Variants in GRB2 observed in about 807,000 individuals in gnomAD.
The protein encoded by GRB2 is growth factor receptor-bound protein 2.
A neutral mutation model predicts 27.4 loss-of-function variants in GRB2; 2 were observed. That is an observed-to-expected ratio of 0.07 (90% confidence interval 0.03 to 0.23). The LOEUF (loss-of-function observed/expected upper bound fraction) is 0.23. Ranked by LOEUF, GRB2 falls within the 10% of genes least tolerant of loss-of-function variation. The pLI, the probability that GRB2 is intolerant of heterozygous loss-of-function variation, is 1.00. For missense variants in GRB2, 102 were observed against 282.4 expected (o/e 0.36, Z 4.58); for synonymous variants, 94 against 99.6 (o/e 0.94, Z 0.33).
At chr17:75,354,618 T>A (rs1455947802) in intron 2 of GRB2, among the ~76,000 whole-genome samples, 1 of 152,006 alleles carries the variant, frequency 6.6e-6, no homozygotes, top group South Asian at 2.1e-4. Flanking sequence ...CATGGAAAAA[T>A]TGTCTTCCAT....
At chr17:75,369,198 T>C (rs1317671935) in intron 2 of GRB2, among the ~76,000 whole-genome samples, 2 of 152,196 alleles carry the variant, frequency 1.3e-5, no homozygotes, top group Admixed American at 1.3e-4. Context: ...CTTTGGTATA[T>C]AAAAAGAACA....
chr17:75,366,770 T>TA (rs936253281), intron 2 of GRB2, among the ~76,000 whole-genome samples: 6 of 151,984 alleles, frequency 3.9e-5, no homozygotes, highest in African/African-American at 1.5e-4. Context: ...CATGATCCCA[T>TA]CACTGCACTC....
chr17:75,326,060 AC>A (rs1028827819), intron 3 of GRB2, 40 bp from the exon 4 acceptor site: 10 of 1,612,594 alleles, frequency 6.2e-6, no homozygotes, highest in Non-Finnish European at 8.5e-6. Flanking sequence ...CTGCTTCCCC[AC>A]AAAGAAACGG....
chr17:75,403,547 T>G lies in GRB2; in HGVS notation c.-138+1942A>C, dbSNP rs7209146. On this transcript the variant is annotated intron_variant, in intron 1 of 5. Coordinates refer to ENST00000316804, the MANE Select transcript of GRB2 (RefSeq NM_002086.5). The stretch of plus-strand genomic sequence containing the variant: ...CCCAAGGCTGAGATGGGCAGATCAC[T>G]TGAGGTCAGGAATTCGAGACCAGCC... 8.8e-3 allele frequency among the ~76,000 whole-genome samples: 1,330 copies of G among 151,956 alleles called. 24 individuals are homozygous for G. Among genetic ancestry groups the G allele is most frequent in the African/African-American group, 0.031 (1,279 of 41,326 alleles).
intron 1 of GRB2, among the ~76,000 whole-genome samples, chr17:75,400,184 CTTTT>C (rs1164852975): frequency 6.6e-6 from 1 of 151,494 alleles, no homozygotes; most frequent in Non-Finnish European, 1.5e-5. Flanking sequence ...ATACATACTC[CTTTT>C]TTTGAGATGG....
At chr17:75,405,028 G>C (rs1446433255) in intron 1 of GRB2, 1 of 151,962 alleles carries the variant, frequency 6.6e-6, no homozygotes, top group African/African-American at 2.4e-5. Flanking sequence ...CCACCCCAAA[G>C]TGGATTCCCG....
At position 75,387,796 on chromosome 17, in the gene GRB2, T is replaced by TA. The variant is rs1260029360; in HGVS notation, c.78+5754dup. ...CTGGGCGACAGAGTGAGACTTCGCC[T>TA]AAAAAAAAAAACAAAACAAAAAAAC... On this transcript the variant is annotated intron_variant, in intron 2 of 5. Coordinates refer to ENST00000316804, the MANE Select transcript of GRB2 (RefSeq NM_002086.5). 6.5e-3 allele frequency: 922 copies of TA among 140,806 alleles called. 6 individuals carry two copies. The highest frequency in any genetic ancestry group is 0.021 in the African/African-American group (785 of 37,778). 8.7% of individuals were successfully genotyped at this position (140,806 alleles called of 1,614,324 possible). A position where few individuals can be genotyped will look rare whatever the true frequency, so the allele number is the denominator to read the frequency against.
intron 2 of GRB2, among the ~76,000 whole-genome samples, chr17:75,333,423 A>T (rs1439336271): frequency 2.0e-5 from 3 of 152,096 alleles, no homozygotes; most frequent in African/African-American, 7.2e-5. Context: ...CCTGGAGAAG[A>T]GGTTCTGGAA....
intron 4 of GRB2, among the ~76,000 whole-genome samples, 179 bp from the exon 5 acceptor site, chr17:75,322,006 G>A (rs2078463518): frequency 6.6e-6 from 1 of 152,102 alleles, no homozygotes; most frequent in South Asian, 2.1e-4. Flanking sequence ...TATGAATGAT[G>A]GGCACCAGGA....
At chr17:75,364,353 G>C (rs2145850167) in intron 2 of GRB2, among the ~76,000 whole-genome samples, 1 of 152,254 alleles carries the variant, frequency 6.6e-6, no homozygotes, top group African/African-American at 2.4e-5. Context: ...CTTACATTTA[G>C]TAAAGATTTA....
chr17:75,343,102 G>T (rs1211972672), intron 2 of GRB2, among the ~76,000 whole-genome samples: 3 of 151,300 alleles, frequency 2.0e-5, no homozygotes, highest in African/African-American at 7.3e-5. Flanking sequence ...GGTGGGTAGA[G>T]CAGGGAACTT....
chr17:75,342,374 G>C (rs2078626925), intron 2 of GRB2, among the ~76,000 whole-genome samples: 1 of 152,098 alleles, frequency 6.6e-6, no homozygotes. Flanking sequence ...AGTGTTCTAA[G>C]TAATACATTT....
chr17:75,386,158 G>A (rs1043576669), intron 2 of GRB2, among the ~76,000 whole-genome samples: 3 of 151,090 alleles, frequency 2.0e-5, no homozygotes, highest in South Asian at 2.1e-4. Flanking sequence ...TCACTCTGTC[G>A]CCCAGGCTGG....
In GRB2 at chr17:75,369,355, A is replaced by G. The variant is rs114042166; in HGVS notation, c.78+24196T>C. Among the ~76,000 whole-genome samples, 1,439 of 152,326 alleles carry G rather than the reference A, an allele frequency of 9.4e-3. 26 individuals are homozygous for G. The highest frequency in any genetic ancestry group is 0.048 in the South Asian group (233 of 4,826). On this transcript the variant is annotated intron_variant, in intron 2 of 5. Coordinates refer to ENST00000316804, the MANE Select transcript of GRB2 (RefSeq NM_002086.5). Reference sequence around the variant, plus strand: ...GGAACAGGAGTAGCAGCACAATGTTATAGGAAAATTGAAGGTTTCTTTACA... The same window carrying G: ...GGAACAGGAGTAGCAGCACAATGTTGTAGGAAAATTGAAGGTTTCTTTACA...
At chr17:75,334,154 TA>T (rs1156419003) in intron 2 of GRB2, among the ~76,000 whole-genome samples, 42 of 151,926 alleles carry the variant, frequency 2.8e-4, no homozygotes, top group African/African-American at 9.9e-4. Context: ...CTATACGTTT[TA>T]TTTTTTTTTA....
chr17:75,365,763 T>C (rs897279314), intron 2 of GRB2, among the ~76,000 whole-genome samples: 1 of 151,976 alleles, frequency 6.6e-6, no homozygotes, highest in Non-Finnish European at 1.5e-5. Flanking sequence ...TTAGAAACAA[T>C]TAATAACCAG....
In GRB2 at chr17:75,405,549, G is replaced by A. The variant is rs1460958919; in HGVS notation, c.-198C>T. On this transcript the variant is annotated 5_prime_UTR_variant, in exon 1 of 6. Coordinates refer to ENST00000316804, the MANE Select transcript of GRB2 (RefSeq NM_002086.5). The stretch of plus-strand genomic sequence containing the variant: ...CCCTCCACAACGCTGCGAGCGGCCG[G>A]CGACCCCAAGGCTGCTCTGCGAGGG... The A allele has an allele frequency of 3.2e-5, 5 of 154,260 alleles. No individual in the cohort carries two copies. Among genetic ancestry groups the A allele is most frequent in the African/African-American group, 9.6e-5 (4 of 41,482 alleles). The allele number at this position is 154,260 out of a possible 1,614,324, so 9.6% of individuals were successfully genotyped here. A position where few individuals can be genotyped will look rare whatever the true frequency, so the allele number is the denominator to read the frequency against.
chr17:75,402,655 A>G (rs1301711714), intron 1 of GRB2, among the ~76,000 whole-genome samples: 1 of 152,204 alleles, frequency 6.6e-6, no homozygotes, highest in Non-Finnish European at 1.5e-5. Context: ...CTAATTTTAA[A>G]AAGATCTCCC....
At chr17:75,344,608 T>C (rs1047789827) in intron 2 of GRB2, among the ~76,000 whole-genome samples, 3 of 152,040 alleles carry the variant, frequency 2.0e-5, no homozygotes, top group Admixed American at 2.0e-4. Flanking sequence ...GCCAGGCTGG[T>C]GTTGAACTCC....
Sources: allele counts gnomAD v4.1 joint callset (sites outside exome capture counted in the v4.1 genomes callset), GRCh38; gene constraint gnomAD v4.1.1; transcripts MANE v1.5; gene names NCBI Gene and HGNC (gene_info 2026-07-23, HGNC 2026-07-21).